Variants in AFF2 observed in about 807,000 individuals in gnomAD.
The protein encoded by AFF2 is AF4/FMR2 family member 2.
In AFF2, 14 loss-of-function variants were observed where a neutral mutation model predicts 76.9. That is an observed-to-expected ratio of 0.18 (90% CI 0.12 to 0.28). The LOEUF is 0.28. Ranked by LOEUF, AFF2 falls within the 10% of genes least tolerant of loss-of-function variation. AFF2 has a pLI of 1.00. For synonymous variants in AFF2, 398 were observed against 366.7 expected (o/e 1.09, Z -0.98); for missense variants, 868 against 1,001.1 (o/e 0.87, Z 1.79).
intron 3 of AFF2, among the ~76,000 whole-genome samples, chrX:148,681,772 T>C (rs2054554042): frequency 9.0e-6 from 1 of 110,529 alleles, no homozygotes; most frequent in African/African-American, 3.3e-5. Context: ...AAAATGGGAC[T>C]TTAGTAGTGT....
intron 3 of AFF2, among the ~76,000 whole-genome samples, chrX:148,679,598 G>C (rs1411246791): frequency 8.9e-6 from 1 of 111,732 alleles, no homozygotes; most frequent in African/African-American, 3.3e-5. Context: ...ATTTTCACTT[G>C]TCTCTTTAAT....
At chrX:148,816,557 A>G (rs1234492017) in intron 4 of AFF2, among the ~76,000 whole-genome samples, 4 of 111,569 alleles carry the variant, frequency 3.6e-5, no homozygotes, top group Admixed American at 1.9e-4. Context: ...GTGAAAAGCA[A>G]TAACAGTATT....
chrX:148,728,027 G>A (rs1369021832), intron 3 of AFF2, among the ~76,000 whole-genome samples: 1 of 112,228 alleles, frequency 8.9e-6, no homozygotes, highest in African/African-American at 3.2e-5. Context: ...AAAGTTGCAA[G>A]ACACAAATCT....
At chrX:148,588,285 G>A (rs1346611175) in intron 1 of AFF2, among the ~76,000 whole-genome samples, 1 of 112,867 alleles carries the variant, frequency 8.9e-6, no homozygotes, top group Non-Finnish European at 1.9e-5. Flanking sequence ...TTGAAGTGAC[G>A]TGTGTGAGTA....
chrX:148,991,391 A>T lies in AFF2; in HGVS notation c.*59A>T. On this transcript the variant is annotated 3_prime_UTR_variant, in exon 21 of 21. Coordinates refer to ENST00000370460, the MANE Select transcript of AFF2 (RefSeq NM_002025.4). ...TCACTCTACCTCTACCAGCGCACTG[A>T]TGGTCACTGGTGGAACTCCACTCAC... 2 of 1,102,478 alleles carry T rather than the reference A, an allele frequency of 1.8e-6. No homozygotes were observed. The highest frequency in any genetic ancestry group is 2.4e-6 in the Non-Finnish European group (2 of 827,608). The allele number at this position is 1,102,478 out of a possible 1,213,427, so 90.9% of individuals were successfully genotyped here. A position where few individuals can be genotyped will look rare whatever the true frequency, so the allele number is the denominator to read the frequency against.
chrX:148,713,318 G>T (rs948172545), intron 3 of AFF2, among the ~76,000 whole-genome samples: 8 of 111,372 alleles, frequency 7.2e-5, no homozygotes, highest in Non-Finnish European at 1.5e-4. Context: ...GTTTTGAGCA[G>T]CACGAGTGAG....
chrX:148,739,585 G>A (rs782197489), intron 3 of AFF2, among the ~76,000 whole-genome samples: 6 of 111,475 alleles, frequency 5.4e-5, no homozygotes, highest in Non-Finnish European at 7.5e-5. Context: ...TCCATTCTGC[G>A]TTTCTGTATC....
chrX:148,526,854 C>G (rs982070043), intron 1 of AFF2, among the ~76,000 whole-genome samples: 60 of 110,964 alleles, frequency 5.4e-4, no homozygotes, highest in African/African-American at 1.9e-3. Context: ...CCGGTAACTC[C>G]CTTCTCTAAA....
chrX:148,997,958 G>T lies in AFF2; in HGVS notation c.*6626G>T, dbSNP rs1557293589. 2 of 112,554 alleles carry T rather than the reference G, an allele frequency of 1.8e-5. No individual in the cohort carries two copies. The highest frequency in any genetic ancestry group is 3.8e-5 in the Non-Finnish European group (2 of 53,330). The allele number at this position is 112,554 out of a possible 1,213,427, so 9.3% of individuals were successfully genotyped here. ...TACTGGATATTTTAGAAAGAGAAATGTCTGAGATAAAATCCCTCACATTTA... is the reference window on the plus strand; with the variant it reads ...TACTGGATATTTTAGAAAGAGAAATTTCTGAGATAAAATCCCTCACATTTA... On this transcript the variant is annotated 3_prime_UTR_variant, in exon 21 of 21. Transcript: ENST00000370460.
At chrX:148,572,553 A>G (rs955464076) in intron 1 of AFF2, among the ~76,000 whole-genome samples, 4 of 112,060 alleles carry the variant, frequency 3.6e-5, no homozygotes, top group Non-Finnish European at 7.5e-5. Flanking sequence ...TGGTCTATCT[A>G]TACAAAGAAT....
At chrX:148,855,885 G>A (rs1557275854) in intron 7 of AFF2, among the ~76,000 whole-genome samples, 1 of 112,116 alleles carries the variant, frequency 8.9e-6, no homozygotes, top group Non-Finnish European at 1.9e-5. Flanking sequence ...TGCCTGGTAC[G>A]TAGGAATTTT....
intron 7 of AFF2, among the ~76,000 whole-genome samples, chrX:148,872,567 C>T (rs1036155515): frequency 5.4e-5 from 6 of 112,009 alleles, no homozygotes; most frequent in Non-Finnish European, 7.5e-5. Context: ...GTCTATTCCG[C>T]GATGGTTAAT....
chrX:148,766,889 G>A (rs1289362463), intron 3 of AFF2, among the ~76,000 whole-genome samples: 2 of 111,903 alleles, frequency 1.8e-5, no homozygotes, highest in African/African-American at 6.5e-5. Context: ...AAACATCAAA[G>A]TGTGGATTCT....
At chrX:148,603,456 T>G (rs201720945) in intron 1 of AFF2, among the ~76,000 whole-genome samples, 1 of 8,551 alleles carries the variant, frequency 1.2e-4, no homozygotes, top group African/African-American at 4.2e-4. Context: ...CATTAGGTGG[T>G]TTTTTTTTTT....
chrX:148,664,109 C>T (rs1437257648), intron 3 of AFF2, among the ~76,000 whole-genome samples: 1 of 111,191 alleles, frequency 9.0e-6, no homozygotes, highest in Non-Finnish European at 1.9e-5. Flanking sequence ...GTCTCCTTCC[C>T]TCTAGTCTCA....
In AFF2 at chrX:148,580,608, A is replaced by C. The variant is rs1429393827; in HGVS notation, c.48-71391A>C. Among the ~76,000 whole-genome samples the C allele has an allele frequency of 4.5e-5, 5 of 110,677 alleles. No homozygotes were observed. In the East Asian group the frequency reaches 1.4e-3, roughly 32 times the overall value. ...TAAAAGGATTTTTGTTGTGATAATGAAGCACCATTTTTTCATTCAGATGAA... is the reference window on the plus strand; with the variant it reads ...TAAAAGGATTTTTGTTGTGATAATGCAGCACCATTTTTTCATTCAGATGAA... On this transcript the variant is annotated intron_variant, in intron 1 of 20. Coordinates refer to ENST00000370460, the MANE Select transcript of AFF2 (RefSeq NM_002025.4).
chrX:148,944,390 G>T (rs2071875352), intron 9 of AFF2, among the ~76,000 whole-genome samples: 2 of 111,791 alleles, frequency 1.8e-5, no homozygotes, highest in Non-Finnish European at 3.8e-5. Flanking sequence ...TGGGTTTCTT[G>T]TGAATGCAAG....
At chrX:148,870,819 G>A (rs2070964601) in intron 7 of AFF2, among the ~76,000 whole-genome samples, 1 of 111,719 alleles carries the variant, frequency 9.0e-6, no homozygotes. Flanking sequence ...CAAAACTAAG[G>A]GGGCAACTGA....
At chrX:148,841,583 GC>G (rs1385921998) in intron 5 of AFF2, among the ~76,000 whole-genome samples, 2 of 111,923 alleles carry the variant, frequency 1.8e-5, no homozygotes, top group Admixed American at 1.9e-4. Flanking sequence ...AGGTGGGAAT[GC>G]TTGCCTCTAT....
Sources: gnomAD v4.1 joint callset for allele counts (sites outside exome capture counted in the v4.1 genomes callset) on GRCh38, gnomAD v4.1.1 for gene constraint, MANE v1.5 for transcripts, NCBI Gene and HGNC (gene_info 2026-07-23, HGNC 2026-07-21) for gene names.